Variants in OLFM4 observed in about 807,000 individuals in gnomAD.
OLFM4 encodes the protein olfactomedin 4.
A neutral mutation model predicts 25.5 loss-of-function variants in OLFM4; 22 were observed. That is an observed-to-expected ratio of 0.86 (90% CI 0.62 to 1.23). OLFM4 has a LOEUF of 1.23. Ranked by LOEUF, OLFM4 falls within the 50% of genes most tolerant of loss-of-function variation. OLFM4 has a pLI of 0.00. For synonymous variants in OLFM4, 255 were observed against 237.7 expected, an observed-to-expected ratio of 1.07 and a Z score of -0.67; for missense variants, 594 against 619.4, an observed-to-expected ratio of 0.96 and a Z score of 0.44.
At chr13:53,041,028 G>A (rs968230999) in intron 2 of OLFM4, among the ~76,000 whole-genome samples, 1 of 152,142 alleles carries the variant, frequency 6.6e-6, no homozygotes, top group African/African-American at 2.4e-5. Flanking sequence ...ACTGTTGGTG[G>A]GAGTGTAAAT....
intron 1 of OLFM4, among the ~76,000 whole-genome samples, chr13:53,031,976 A>T (rs1412817271): frequency 6.6e-6 from 1 of 152,238 alleles, no homozygotes. Context: ...TTGTCTTTGA[A>T]TGCGAGGAGC....
In OLFM4 at chr13:53,051,664, T is replaced by C. The variant is rs1954750025; in HGVS notation, c.*893T>C. ...CATTATGAACTTTTATTTACATGAC[T>C]CTAAGACTATAAGAAAATCTGATGG... On this transcript the variant is annotated 3_prime_UTR_variant, in exon 5 of 5. Transcript: ENST00000219022. 1 of 152,174 alleles carries C rather than the reference T, an allele frequency of 6.6e-6. No individual in the cohort carries two copies. The highest frequency in any genetic ancestry group is 2.1e-4 in the South Asian group (1 of 4,836). The allele number at this position is 152,174 out of a possible 1,614,324, so 9.4% of individuals were successfully genotyped here.
chr13:53,043,256 C>T lies in OLFM4; in HGVS notation c.722C>T (p.Pro241Leu). The T allele has an allele frequency of 1.9e-6, 3 of 1,602,956 alleles. No homozygotes were observed. Among genetic ancestry groups the T allele is most frequent in the South Asian group, 1.1e-5 (1 of 89,210 alleles). The change falls in exon 4 of 5, where the codon CCC (proline) becomes CTC (leucine). Residue 241 changes from proline (P) to leucine (L), a missense_variant. Physicochemically the swap from Pro to Leu is moderately conservative, Grantham distance 98 (BLOSUM62 -3). Coordinates refer to ENST00000219022, the MANE Select transcript of OLFM4 (RefSeq NM_006418.5). ...DQNTPVVHPPPTPGSCGHGGV... is the reference protein window; with the variant it reads ...DQNTPVVHPPLTPGSCGHGGV... ...AACACCCCTGTCGTCCACCCTCCTC[C>T]CACTCCAGGTAAGCATGCCAGTTTT...
At chr13:53,047,587 T>C (rs377665769) in intron 4 of OLFM4, among the ~76,000 whole-genome samples, 3 of 152,188 alleles carry the variant, frequency 2.0e-5, no homozygotes, top group African/African-American at 7.2e-5. Context: ...TTAGGAATGT[T>C]TGGGAGGTGA....
intron 1 of OLFM4, among the ~76,000 whole-genome samples, 185 bp from the exon 2 acceptor site, chr13:53,034,163 C>T (rs187855577): frequency 2.7e-4 from 40 of 150,690 alleles, no homozygotes; most frequent in South Asian, 2.1e-4. Context: ...TGTGGCTAAA[C>T]GCTGGGTGGT....
At chr13:53,039,515 A>G (rs1954676877) in intron 2 of OLFM4, among the ~76,000 whole-genome samples, 1 of 152,262 alleles carries the variant, frequency 6.6e-6, no homozygotes, top group Admixed American at 6.5e-5. Context: ...CTATACAAAT[A>G]AAAAACAATA....
intron 1 of OLFM4, among the ~76,000 whole-genome samples, chr13:53,033,593 C>T (rs565879396): frequency 1.3e-5 from 2 of 152,178 alleles, no homozygotes; most frequent in South Asian, 2.1e-4. Flanking sequence ...CACATTACTT[C>T]GTTAATACTG....
chr13:53,049,767 T>C (rs1025865362), intron 4 of OLFM4, among the ~76,000 whole-genome samples: 4 of 152,136 alleles, frequency 2.6e-5, no homozygotes, highest in African/African-American at 4.8e-5. Context: ...TAGTTCTCTG[T>C]AGAGCTGACA....
chr13:53,030,752 A>C (rs933966757), intron 1 of OLFM4, among the ~76,000 whole-genome samples: 1 of 152,220 alleles, frequency 6.6e-6, no homozygotes, highest in Non-Finnish European at 1.5e-5. Context: ...CATTCTCTTC[A>C]CCATGTCTGT....
intron 4 of OLFM4, among the ~76,000 whole-genome samples, chr13:53,045,230 T>A (rs759870441): frequency 2.7e-4 from 41 of 152,066 alleles, no homozygotes; most frequent in Non-Finnish European, 5.4e-4. Flanking sequence ...TTGTTGGATT[T>A]TTTTTTTCCC....
At position 53,050,809 on chromosome 13, in the gene OLFM4, T is replaced by G; in HGVS notation, c.*38T>G. 6.6e-7 allele frequency: 1 copy of G among 1,515,808 alleles called. No homozygotes were observed. The highest frequency in any genetic ancestry group is 8.8e-7 in the Non-Finnish European group (1 of 1,133,290). 93.9% of individuals were successfully genotyped at this position (1,515,808 alleles called of 1,614,324 possible). ...TTAGGGTGAAAGAGAAAATGTTTGT[T>G]GAAAAAATAGTCTTCTCCACTTACT... is the stretch of plus-strand genomic sequence containing the variant. On this transcript the variant is annotated 3_prime_UTR_variant, in exon 5 of 5. Transcript: ENST00000219022.
rs1459349402 is a variant in OLFM4 at position 53,029,044 on chromosome 13, A to AG, written c.204+6dup. ...CAGCGGAGGTTCTGTGTCCCAGGTG[A>AG]GGAGGCCCCAGAATCTGAATGAGCT... On this transcript the variant is annotated splice_donor_region_variant and intron_variant, in intron 1 of 4. Transcript: ENST00000219022. The AG allele has an allele frequency of 6.2e-7, 1 of 1,613,874 alleles. No individual in the cohort carries two copies.
At chr13:53,034,910 T>G (rs1334323718) in intron 2 of OLFM4, among the ~76,000 whole-genome samples, 1 of 152,164 alleles carries the variant, frequency 6.6e-6, no homozygotes, top group Non-Finnish European at 1.5e-5. Context: ...CTATTCTATC[T>G]CCCTTCTCTT....
intron 2 of OLFM4, among the ~76,000 whole-genome samples, chr13:53,039,682 G>T (rs1954677644): frequency 6.6e-6 from 1 of 152,046 alleles, no homozygotes; most frequent in Non-Finnish European, 1.5e-5. Context: ...ATTCTTGGGA[G>T]GTTCTGAAAC....
chr13:53,034,243 C>T (rs1954645222), intron 1 of OLFM4, 105 bp from the exon 2 acceptor site: 1 of 1,065,936 alleles, frequency 9.4e-7, no homozygotes. Flanking sequence ...TTGGACTCCA[C>T]TTACTTGCCT....
intron 1 of OLFM4, 152 bp downstream of exon 1, chr13:53,029,192 A>G: frequency 8.5e-7 from 1 of 1,170,772 alleles, no homozygotes; most frequent in East Asian, 2.4e-5. Context: ...AAATGAATTA[A>G]AGCCTCAGTA....
intron 1 of OLFM4, among the ~76,000 whole-genome samples, chr13:53,030,898 T>C (rs1299750656): frequency 6.6e-6 from 1 of 152,216 alleles, no homozygotes; most frequent in Non-Finnish European, 1.5e-5. Flanking sequence ...GTTTATTCTG[T>C]GATACTCAAT....
chr13:53,034,811 T>C lies in OLFM4; in HGVS notation c.357+311T>C, dbSNP rs1019924717. ...AAACCCCAACCTGCAATTTTTATTT[T>C]GTTTTGACGCTGCTTCTTCCTTTTG... On this transcript the variant is annotated intron_variant, in intron 2 of 4. Transcript: ENST00000219022. 3.3e-5 allele frequency among the ~76,000 whole-genome samples: 5 copies of C among 152,314 alleles called. No individual in the cohort carries two copies. The South Asian group carries it at 1.0e-3, about 32-fold the overall frequency.
intron 2 of OLFM4, among the ~76,000 whole-genome samples, chr13:53,034,945 C>A (rs766549389): frequency 4.6e-5 from 7 of 151,874 alleles, no homozygotes; most frequent in Admixed American, 6.6e-5. Flanking sequence ...ATTTCTATTC[C>A]ATTCCTGCAT....
Sources: gnomAD v4.1 joint callset for allele counts (sites outside exome capture counted in the v4.1 genomes callset) on GRCh38, gnomAD v4.1.1 for gene constraint, MANE v1.5 for transcripts, NCBI Gene and HGNC (gene_info 2026-07-23, HGNC 2026-07-21) for gene names.